Variants in IMMP2L observed in about 807,000 individuals in gnomAD.
IMMP2L encodes the protein inner mitochondrial membrane peptidase subunit 2.
In IMMP2L, 18 loss-of-function variants were observed where a neutral mutation model predicts 19.3. That is an observed-to-expected ratio of 0.93 (90% CI 0.64 to 1.38). IMMP2L has a LOEUF of 1.38. IMMP2L is among the 40% of genes most tolerant of loss of function. The probability of loss-of-function intolerance (pLI) is 0.00; values close to 1 mark genes in which losing one functional copy is unlikely to be tolerated. For missense variants in IMMP2L, 233 were observed against 218.2 expected (o/e 1.07, Z -0.43); for synonymous variants, 76 against 73.0 (o/e 1.04, Z -0.21).
chr7:111,020,976 T>G (rs1235545663), intron 3 of IMMP2L, among the ~76,000 whole-genome samples: 1 of 152,188 alleles, frequency 6.6e-6, no homozygotes, highest in Admixed American at 6.5e-5. Flanking sequence ...TTTAACAAAA[T>G]ATAACAATTA....
In IMMP2L at chr7:111,382,663, C is replaced by G. The variant is rs540336879; in HGVS notation, c.239+104575G>C. Among the ~76,000 whole-genome samples, 4 of 151,966 alleles carry G rather than the reference C, an allele frequency of 2.6e-5. No homozygotes were observed. The South Asian group carries it at 8.3e-4, about 32-fold the overall frequency. On this transcript the variant is annotated intron_variant, in intron 3 of 5. Transcript: ENST00000405709. ...AGTACAGAAAAGCTGATTAAAGGGG[C>G]AAGAAATGGAATAACTAATGGAGCA... is the stretch of plus-strand genomic sequence containing the variant.
intron 3 of IMMP2L, among the ~76,000 whole-genome samples, chr7:110,985,133 A>C (rs1821726775): frequency 6.6e-6 from 1 of 152,128 alleles, no homozygotes; most frequent in Non-Finnish European, 1.5e-5. Context: ...GCAAGAAAAC[A>C]AATTCTCCCC....
chr7:111,079,394 G>T (rs1290569182), intron 3 of IMMP2L, among the ~76,000 whole-genome samples: 1 of 152,070 alleles, frequency 6.6e-6, no homozygotes, highest in Admixed American at 6.5e-5. Context: ...TGGGATTACA[G>T]GCGTGAGCCA....
At chr7:110,672,382 C>G (rs1791981938) in intron 5 of IMMP2L, among the ~76,000 whole-genome samples, 1 of 152,126 alleles carries the variant, frequency 6.6e-6, no homozygotes, top group Admixed American at 6.5e-5. Flanking sequence ...AATTACAATT[C>G]AGGATGAGAT....
chr7:110,806,199 A>T (rs1466662787), intron 5 of IMMP2L, among the ~76,000 whole-genome samples: 1 of 152,034 alleles, frequency 6.6e-6, no homozygotes, highest in East Asian at 1.9e-4. Context: ...ATTTAAAGCA[A>T]CGAGCTCAAA....
chr7:110,898,863 T>A (rs1811583721), intron 4 of IMMP2L, among the ~76,000 whole-genome samples: 1 of 151,142 alleles, frequency 6.6e-6, no homozygotes, highest in Admixed American at 6.6e-5. Flanking sequence ...GTCATTACAA[T>A]AAAGTTTGTT....
At chr7:111,541,964 T>G (rs1212823980) in intron 1 of IMMP2L, among the ~76,000 whole-genome samples, 1 of 152,102 alleles carries the variant, frequency 6.6e-6, no homozygotes, top group Non-Finnish European at 1.5e-5. Context: ...AAAGGTGAGT[T>G]TTAAAAATAA....
intron 3 of IMMP2L, among the ~76,000 whole-genome samples, chr7:111,010,769 G>C (rs1824856975): frequency 1.3e-5 from 2 of 152,036 alleles, no homozygotes; most frequent in Admixed American, 6.6e-5. Context: ...TAGTGTGAAA[G>C]GTAAGCTCAG....
At chr7:111,339,545 T>C (rs938632360) in intron 3 of IMMP2L, among the ~76,000 whole-genome samples, 4 of 151,790 alleles carry the variant, frequency 2.6e-5, no homozygotes, top group African/African-American at 9.7e-5. Context: ...TAAGACACAG[T>C]GAAGTAAAGA....
Position 111,016,877 on chromosome 7 carries a change from T to TATA in IMMP2L, c.240-53315_240-53313dup, listed in dbSNP as rs1370353955. The stretch of plus-strand genomic sequence containing the variant: ...ATATTATATAATATATTACATATAA[T>TATA]ATATATTATATATAATATATATTAT... On this transcript the variant is annotated intron_variant, in intron 3 of 5. Transcript: ENST00000405709. Among the ~76,000 whole-genome samples the TATA allele has an allele frequency of 3.4e-5, 3 of 88,906 alleles. No individual in the cohort carries two copies. The East Asian group carries it at 8.9e-4, about 26-fold the overall frequency. The allele number at this position is 88,906 out of a possible 152,430, so 58.3% of individuals were successfully genotyped here.
chr7:111,394,756 C>T (rs964229110), intron 3 of IMMP2L: 1 of 161,034 alleles, frequency 6.2e-6, no homozygotes, highest in Non-Finnish European at 1.4e-5. Context: ...TAAGACAATT[C>T]CATGGTTATG....
At chr7:111,039,342 A>G (rs116628376) in intron 3 of IMMP2L, among the ~76,000 whole-genome samples, 2,171 of 152,308 alleles carry the variant, frequency 0.014, 49 homozygotes, top group African/African-American at 0.05. Context: ...AACATGTTCA[A>G]AACATCTAGT....
intron 5 of IMMP2L, among the ~76,000 whole-genome samples, chr7:110,678,924 T>A (rs1237882610): frequency 6.6e-6 from 1 of 152,144 alleles, no homozygotes; most frequent in Admixed American, 6.6e-5. Context: ...GAAATGAGAC[T>A]CTCTCTTTCA....
In IMMP2L at chr7:111,140,953, A is replaced by T. The variant is rs188578586; in HGVS notation, c.240-177388T>A. On this transcript the variant is annotated intron_variant, in intron 3 of 5. Transcript: ENST00000405709. ...CATACTCTGCTTATAATAGAGGAAA[A>T]TATCTATGAGACATAGTACAGAACT... 1.9e-4 allele frequency among the ~76,000 whole-genome samples: 29 copies of T among 152,312 alleles called. No individual in the cohort carries two copies. The East Asian group carries it at 1.9e-3, about 10-fold the overall frequency.
intron 3 of IMMP2L, among the ~76,000 whole-genome samples, chr7:111,095,419 A>G (rs906648757): frequency 7.2e-5 from 11 of 151,982 alleles, no homozygotes; most frequent in African/African-American, 2.7e-4. Flanking sequence ...CCTATGTGCA[A>G]AAAATCCCCC....
At chr7:110,980,925 A>G (rs1172936962) in intron 3 of IMMP2L, among the ~76,000 whole-genome samples, 1 of 152,204 alleles carries the variant, frequency 6.6e-6, no homozygotes, top group Non-Finnish European at 1.5e-5. Context: ...AAATATTTGA[A>G]CCAGTGTTAC....
chr7:110,803,838 G>A lies in IMMP2L; in HGVS notation c.408+82755C>T, dbSNP rs1584880557. ...GAACCATCAGTATCTCAACACTTGG[G>A]GACTTGTTAGACATGCAAATTATCT... On this transcript the variant is annotated intron_variant, in intron 5 of 5. Transcript: ENST00000405709. The surrounding 1 kb of genome is among the most constrained non-coding windows in gnomAD (Gnocchi z 4.2). Among the ~76,000 whole-genome samples the A allele has an allele frequency of 6.6e-6, 1 of 151,980 alleles. No individual in the cohort carries two copies. The highest frequency in any genetic ancestry group is 1.9e-4 in the East Asian group (1 of 5,136).
intron 3 of IMMP2L, among the ~76,000 whole-genome samples, chr7:111,212,424 T>C (rs966953982): frequency 6.6e-6 from 1 of 151,920 alleles, no homozygotes; most frequent in Non-Finnish European, 1.5e-5. Context: ...GCCTAGGCAA[T>C]GTGGCAAAAG....
chr7:111,232,312 A>T (rs1813798108), intron 3 of IMMP2L, among the ~76,000 whole-genome samples: 1 of 151,892 alleles, frequency 6.6e-6, no homozygotes, highest in Non-Finnish European at 1.5e-5. Context: ...CACCAATAAA[A>T]ATAGCCCACA....
Sources: gnomAD v4.1 joint callset for allele counts (sites outside exome capture counted in the v4.1 genomes callset) on GRCh38, gnomAD v4.1.1 for gene constraint, Gnocchi (gnomAD v3.1) non-coding constraint, MANE v1.5 for transcripts, NCBI Gene and HGNC (gene_info 2026-07-23, HGNC 2026-07-21) for gene names.